The following INPP5F variants were observed in gnomAD, a reference collection of about 807,000 sequenced individuals.
INPP5F encodes phosphatidylinositide 4-phosphatase SAC2.
INPP5F carries 97 observed loss-of-function variants against 137.2 expected under a neutral mutation model. The ratio of observed to expected loss-of-function variants is 0.71; its 90% CI spans 0.60 to 0.84. The LOEUF is 0.84. INPP5F is among the 40% of genes least tolerant of loss of function. INPP5F has a pLI of 0.00. For synonymous variants in INPP5F, 504 were observed against 476.9 expected, an observed-to-expected ratio of 1.06 and a Z score of -0.74; for missense variants, 1,271 against 1,371.9, an observed-to-expected ratio of 0.93 and a Z score of 1.16.
chr10:119,822,393 A>C, intron 16 of INPP5F, 38 bp from the exon 17 acceptor site: 1 of 1,166,610 alleles, frequency 8.6e-7, no homozygotes, highest in Non-Finnish European at 1.2e-6. Flanking sequence ...TATGCTTTTG[A>C]TTTAAATCCT....
At chr10:119,819,163 G>C (rs1332438492) in intron 15 of INPP5F, 1 of 167,308 alleles carries the variant, frequency 6.0e-6, no homozygotes, top group African/African-American at 2.4e-5. Flanking sequence ...CAGACGTGGG[G>C]GGTGGGGAAA....
chr10:119,820,752 T>G, intron 15 of INPP5F, 94 bp from the exon 16 acceptor site: 1 of 964,646 alleles, frequency 1.0e-6, no homozygotes, highest in Non-Finnish European at 1.7e-6. Flanking sequence ...CCTGGCCAAT[T>G]TTTTGTCCTA....
At chr10:119,761,581 G>GTTTT (rs34003892) in intron 2 of INPP5F, among the ~76,000 whole-genome samples, 1 of 144,306 alleles carries the variant, frequency 6.9e-6, no homozygotes, top group African/African-American at 2.6e-5. Flanking sequence ...TCTTAATGTA[G>GTTTT]TTTTTTTTTT....
At chr10:119,796,493 C>T (rs141926236) in intron 6 of INPP5F, among the ~76,000 whole-genome samples, 2 of 152,208 alleles carry the variant, frequency 1.3e-5, no homozygotes, top group African/African-American at 4.8e-5. Context: ...GGATTTGTAC[C>T]CAGGCAGCCT....
chr10:119,763,594 T>C (rs1849068294), intron 2 of INPP5F, among the ~76,000 whole-genome samples: 1 of 152,226 alleles, frequency 6.6e-6, no homozygotes, highest in Non-Finnish European at 1.5e-5. Context: ...GTTCTCCTGC[T>C]GAAGTGGCTT....
At chr10:119,780,536 C>T (rs1258159132) in intron 2 of INPP5F, among the ~76,000 whole-genome samples, 1 of 152,160 alleles carries the variant, frequency 6.6e-6, no homozygotes, top group Non-Finnish European at 1.5e-5. Flanking sequence ...GAGATTGCAC[C>T]ACTGCACTTT....
intron 8 of INPP5F, 120 bp from the exon 9 acceptor site, chr10:119,798,423 A>T: frequency 1.5e-6 from 1 of 651,572 alleles, no homozygotes; most frequent in Non-Finnish European, 2.6e-6. Flanking sequence ...ATGGTTTTAG[A>T]CAATCTTAGT....
chr10:119,760,115 T>G (rs1212940254), intron 2 of INPP5F, among the ~76,000 whole-genome samples: 3 of 152,198 alleles, frequency 2.0e-5, no homozygotes, highest in Admixed American at 6.5e-5. Context: ...ATGGCAGATA[T>G]TTATGTTTTC....
intron 11 of INPP5F, 53 bp downstream of exon 11, chr10:119,805,514 T>A: frequency 8.3e-7 from 1 of 1,206,674 alleles, no homozygotes; most frequent in Non-Finnish European, 1.2e-6. Context: ...TGTAAAATAG[T>A]ACCACTGAGC....
Position 119,791,588 on chromosome 10 carries a change from T to C in INPP5F, c.387T>C (p.Phe129=). The C allele has an allele frequency of 6.2e-7, 1 of 1,604,266 alleles. No homozygotes were observed. The highest frequency in any genetic ancestry group is 1.1e-5 in the South Asian group (1 of 90,882). ...TACCATCTCCTGATGACTCAAAGTT[T>C]CTACTGAAGACCTTTACGCATATTA... ...KIIPSPDDSK[F]LLKTFTHIKS... The change falls in exon 4 of 20, where the codon TTT becomes TTC. Residue 129 remains phenylalanine, a synonymous_variant. Coordinates refer to ENST00000650623, the MANE Select transcript of INPP5F (RefSeq NM_014937.4).
chr10:119,763,661 G>T lies in INPP5F; in HGVS notation c.178+12505G>T, dbSNP rs79992010. On this transcript the variant is annotated intron_variant, in intron 2 of 19. Transcript: ENST00000650623. ...TTATCAGAGGGACTTGGGCACACCTGTAGTGTTTTCCCCTGAACGGGCCTT... is the reference window on the plus strand; with the variant it reads ...TTATCAGAGGGACTTGGGCACACCTTTAGTGTTTTCCCCTGAACGGGCCTT... 6.1e-3 allele frequency among the ~76,000 whole-genome samples: 923 copies of T among 152,330 alleles called. 3 individuals carry two copies. The highest frequency in any genetic ancestry group is 0.014 in the Middle Eastern group (4 of 294).
intron 2 of INPP5F, among the ~76,000 whole-genome samples, chr10:119,764,743 G>A (rs1329370092): frequency 6.6e-6 from 1 of 151,542 alleles, no homozygotes; most frequent in Non-Finnish European, 1.5e-5. Context: ...CACCATGCCT[G>A]GCTAATTTTT....
intron 1 of INPP5F, among the ~76,000 whole-genome samples, chr10:119,731,569 C>G (rs1337204561): frequency 1.3e-5 from 2 of 152,074 alleles, no homozygotes; most frequent in African/African-American, 4.8e-5. Context: ...GAGGCTAAGC[C>G]ACAAGAATCG....
At chr10:119,813,324 A>G (rs1426789297) in intron 15 of INPP5F, among the ~76,000 whole-genome samples, 1 of 152,202 alleles carries the variant, frequency 6.6e-6, no homozygotes, top group Non-Finnish European at 1.5e-5. Flanking sequence ...GATTCATAAA[A>G]ACATACTTAT....
At chr10:119,797,402 T>G in intron 7 of INPP5F, 59 bp from the exon 8 acceptor site, 1 of 1,321,600 alleles carries the variant, frequency 7.6e-7, no homozygotes, top group Admixed American at 2.1e-5. Flanking sequence ...AAGCATAATC[T>G]AGCCAGACTA....
Position 119,827,247 on chromosome 10 carries a change from A to C in INPP5F, c.2866A>C (p.Met956Leu), listed in dbSNP as rs760691669. The change falls in exon 20 of 20, where the codon ATG becomes CTG. Residue 956 changes from methionine to leucine, a missense_variant. Physicochemically the swap from Met to Leu is conservative, Grantham distance 15. Around this residue, in one of 6 missense-constraint regions of INPP5F, gnomAD observed 490 missense variants for 443.7 expected, o/e 1.10. Transcript: ENST00000650623. ...CATATTGACTGGCTTTGCCAAGCCT[A>C]TGGATATTTACTGCCACAGATTTGT... is the stretch of plus-strand genomic sequence containing the variant. ...VHILTGFAKP[M>L]DIYCHRFVQD... 1 of 1,614,152 alleles carries C rather than the reference A, an allele frequency of 6.2e-7. No homozygotes were observed. Among genetic ancestry groups the C allele is most frequent in the East Asian group, 2.2e-5 (1 of 44,880 alleles).
intron 1 of INPP5F, among the ~76,000 whole-genome samples, chr10:119,742,331 T>C (rs1169442840): frequency 6.6e-6 from 1 of 152,074 alleles, no homozygotes; most frequent in Non-Finnish European, 1.5e-5. Context: ...ATTTTTTTTG[T>C]ATTTTTAGTA....
chr10:119,827,439 G>C lies in INPP5F; in HGVS notation c.3058G>C (p.Ala1020Pro), dbSNP rs150666811. 8.6e-4 allele frequency: 1,390 copies of C among 1,614,176 alleles called. 13 individuals carry two copies. The African/African-American group carries it at 0.016, about 19-fold the overall frequency. Residue 1020 changes from alanine to proline, a missense_variant, in exon 20 of 20, where the codon GCA (alanine) becomes CCA (proline). By Grantham distance (27) the Ala-to-Pro change is conservative (BLOSUM62 -1). Transcript: ENST00000650623. ...ATCGCAATTAGATGTCTCTCTTTCT[G>C]CAACAGGCCCACAGTTTTTGTCAGT... ...RPSQLDVSLS[A>P]TGPQFLSVEP...
intron 2 of INPP5F, among the ~76,000 whole-genome samples, chr10:119,758,158 T>C (rs1848905110): frequency 1.3e-5 from 2 of 152,222 alleles, no homozygotes; most frequent in Admixed American, 1.3e-4. Context: ...CCATTAAAAA[T>C]GTAATCATCT....
Sources: gnomAD v4.1 joint callset for allele counts (sites outside exome capture counted in the v4.1 genomes callset) on GRCh38, gnomAD v4.1.1 for gene constraint, gnomAD v4.1.1 regional missense constraint, MANE v1.5 for transcripts, NCBI Gene and HGNC (gene_info 2026-07-23, HGNC 2026-07-21) for gene names.